Variants in TNS3 observed in about 807,000 individuals in gnomAD.
The protein encoded by TNS3 is tensin 3.
A neutral mutation model predicts 140.9 loss-of-function variants in TNS3; 45 were observed. The ratio of observed to expected loss-of-function variants is 0.32; its 90% CI spans 0.25 to 0.41. TNS3 has a LOEUF of 0.41. TNS3 is among the 10% of genes least tolerant of loss of function. TNS3 has a pLI of 1.00. For synonymous variants in TNS3, 815 were observed against 788.4 expected, an observed-to-expected ratio of 1.03 and a Z score of -0.56; for missense variants, 1,716 against 1,906.7, an observed-to-expected ratio of 0.90 and a Z score of 1.86.
chr7:47,403,997 T>A lies in TNS3; in HGVS notation c.724-3083A>T, dbSNP rs1451996522. ...ATTCAAGTCTATAATTTTCCCTTCA[T>A]CCCTCCGGCTTTAACTTTATTTACC... is the stretch of plus-strand genomic sequence containing the variant. On this transcript the variant is annotated intron_variant, in intron 13 of 30. Coordinates refer to ENST00000311160, the MANE Select transcript of TNS3 (RefSeq NM_022748.12). Among the ~76,000 whole-genome samples the A allele has an allele frequency of 3.3e-5, 5 of 152,256 alleles. No homozygotes were observed. In the East Asian group the frequency reaches 7.7e-4, roughly 23 times the overall value.
intron 4 of TNS3, among the ~76,000 whole-genome samples, chr7:47,466,579 G>A (rs1410889789): frequency 6.6e-6 from 1 of 152,216 alleles, no homozygotes; most frequent in African/African-American, 2.4e-5. Flanking sequence ...CTGGCCCCTG[G>A]ACTTCCTGTC....
chr7:47,454,510 C>T (rs1796163664), intron 4 of TNS3, among the ~76,000 whole-genome samples: 1 of 152,194 alleles, frequency 6.6e-6, no homozygotes, highest in East Asian at 1.9e-4. Flanking sequence ...CAGCAGCACT[C>T]ATCATCAGCC....
chr7:47,322,465 TGAG>T (rs1562592556), intron 20 of TNS3, among the ~76,000 whole-genome samples: 1 of 151,882 alleles, frequency 6.6e-6, no homozygotes, highest in African/African-American at 2.4e-5. Context: ...GAGGTTGCAG[TGAG>T]CCAAGATCGC....
chr7:47,455,992 G>A (rs765451557), intron 4 of TNS3, among the ~76,000 whole-genome samples: 17 of 152,332 alleles, frequency 1.1e-4, no homozygotes, highest in African/African-American at 1.9e-4. Context: ...GCTCAAGCCC[G>A]GGCTCAAGGA....
intron 1 of TNS3, among the ~76,000 whole-genome samples, chr7:47,572,461 C>T (rs1800579320): frequency 6.6e-6 from 1 of 151,864 alleles, no homozygotes; most frequent in South Asian, 2.1e-4. Context: ...GAATAAACAC[C>T]ATTCCAGTTG....
chr7:47,519,816 CTTTTTTT>C (rs34418629), intron 2 of TNS3, among the ~76,000 whole-genome samples: 5 of 74,824 alleles, frequency 6.7e-5, no homozygotes, highest in Non-Finnish European at 1.1e-4. Context: ...CCTCACATTT[CTTTTTTT>C]TTTTTTTTTT....
chr7:47,455,151 A>T (rs1036307025), intron 4 of TNS3, among the ~76,000 whole-genome samples: 1 of 152,128 alleles, frequency 6.6e-6, no homozygotes, highest in Non-Finnish European at 1.5e-5. Context: ...AGACCCACAG[A>T]TGCTGACCAC....
chr7:47,569,691 T>C (rs960480275), intron 1 of TNS3, among the ~76,000 whole-genome samples: 1 of 149,668 alleles, frequency 6.7e-6, no homozygotes, highest in African/African-American at 2.5e-5. Flanking sequence ...TCGTCTCTAC[T>C]AAAAATACAA....
intron 27 of TNS3, among the ~76,000 whole-genome samples, chr7:47,285,062 T>C (rs9719545): frequency 1.3e-5 from 2 of 152,168 alleles, no homozygotes; most frequent in African/African-American, 2.4e-5. Flanking sequence ...GGCAGATGTG[T>C]TGGCAGGTGC....
intron 20 of TNS3, among the ~76,000 whole-genome samples, chr7:47,319,116 C>T (rs1562589242): frequency 6.6e-6 from 1 of 152,234 alleles, no homozygotes; most frequent in Non-Finnish European, 1.5e-5. Context: ...TGTCCTACAA[C>T]CACTGTCTGA....
chr7:47,321,169 G>A (rs1212567637), intron 20 of TNS3, among the ~76,000 whole-genome samples: 2 of 152,182 alleles, frequency 1.3e-5, no homozygotes. Context: ...GGCTTCACCC[G>A]CCTTCCTTCT....
intron 30 of TNS3, 125 bp downstream of exon 30, chr7:47,280,039 A>G (rs765522141): frequency 2.5e-6 from 3 of 1,177,546 alleles, no homozygotes; most frequent in Non-Finnish European, 3.7e-6. Context: ...TTTCTTTTTT[A>G]AAAGAAATTG....
chr7:47,415,007 C>T (rs1793996300), intron 11 of TNS3, 87 bp downstream of exon 11: 11 of 985,580 alleles, frequency 1.1e-5, no homozygotes, highest in Non-Finnish European at 1.7e-5. Flanking sequence ...GGAAGGAAAG[C>T]CGAGGCTTAT....
chr7:47,485,029 C>G (rs1413976968), intron 3 of TNS3, among the ~76,000 whole-genome samples: 1 of 152,206 alleles, frequency 6.6e-6, no homozygotes, highest in African/African-American at 2.4e-5. Flanking sequence ...CCCCTGAGAC[C>G]GTCCTGCAGA....
At chr7:47,505,717 T>TTGTGTGTGTGTG (rs58992722) in intron 3 of TNS3, among the ~76,000 whole-genome samples, 7 of 150,128 alleles carry the variant, frequency 4.7e-5, no homozygotes, top group African/African-American at 1.5e-4. Context: ...TCTTCCAACT[T>TTGTGTGTGTGTG]TGTGTGTGTG....
intron 4 of TNS3, among the ~76,000 whole-genome samples, chr7:47,459,599 A>T (rs1796398184): frequency 6.6e-6 from 1 of 152,120 alleles, no homozygotes; most frequent in Admixed American, 6.5e-5. Context: ...CCACAAGAGA[A>T]CCACGGCAGG....
At chr7:47,563,761 C>A (rs935054906) in intron 1 of TNS3, among the ~76,000 whole-genome samples, 1 of 152,174 alleles carries the variant, frequency 6.6e-6, no homozygotes, top group Admixed American at 6.5e-5. Context: ...TTCCCACTGC[C>A]CCAGACCACA....
At chr7:47,409,522 A>G (rs1055058216) in intron 13 of TNS3, among the ~76,000 whole-genome samples, 5 of 151,784 alleles carry the variant, frequency 3.3e-5, no homozygotes, top group African/African-American at 1.2e-4. Flanking sequence ...GGCAATAACT[A>G]CTCATCACTG....
intron 10 of TNS3, among the ~76,000 whole-genome samples, chr7:47,420,540 C>T (rs752310914): frequency 2.0e-5 from 3 of 152,190 alleles, no homozygotes; most frequent in Admixed American, 6.5e-5. Context: ...CATGTGCTCA[C>T]TTCCCAAGCA....
Sources: allele counts gnomAD v4.1 joint callset (sites outside exome capture counted in the v4.1 genomes callset), GRCh38; gene constraint gnomAD v4.1.1; transcripts MANE v1.5; gene names NCBI Gene and HGNC (gene_info 2026-07-23, HGNC 2026-07-21).